The following SLC14A2 variants were observed in gnomAD, a reference collection of about 807,000 sequenced individuals.
SLC14A2 encodes solute carrier family 14 member 2, also known as urea transporter 2.
In SLC14A2, 91 loss-of-function variants were observed where a neutral mutation model predicts 104.6. That is an observed-to-expected ratio of 0.87 (90% confidence interval 0.73 to 1.04). The LOEUF (loss-of-function observed/expected upper bound fraction) is 1.04. Among genes scored for constraint, SLC14A2 ranks in the 50% least tolerant of loss-of-function variants. The probability of loss-of-function intolerance (pLI) is 0.00; values close to 1 mark genes in which losing one functional copy is unlikely to be tolerated. For synonymous variants in SLC14A2, 476 were observed against 466.4 expected, an observed-to-expected ratio of 1.02 and a Z score of -0.27; for missense variants, 1,189 against 1,156.0, an observed-to-expected ratio of 1.03 and a Z score of -0.41.
At chr18:45,418,453 C>G (rs1325089980) in intron 1 of SLC14A2, among the ~76,000 whole-genome samples, 2 of 152,048 alleles carry the variant, frequency 1.3e-5, no homozygotes, top group Non-Finnish European at 2.9e-5. Flanking sequence ...GGAGAGCATT[C>G]CAGGGAAAGA....
intron 19 of SLC14A2, among the ~76,000 whole-genome samples, chr18:45,681,724 T>C (rs183952138): frequency 6.6e-6 from 1 of 152,274 alleles, no homozygotes; most frequent in African/African-American, 2.4e-5. Flanking sequence ...TGGCCACCCA[T>C]CCCTGGTTTG....
intron 2 of SLC14A2, among the ~76,000 whole-genome samples, chr18:45,583,477 G>A (rs769830590): frequency 3.3e-5 from 5 of 152,150 alleles, no homozygotes; most frequent in Non-Finnish European, 5.9e-5. Flanking sequence ...GCTCCTGAAT[G>A]CCTAAAAGCA....
At position 45,426,509 on chromosome 18, in the gene SLC14A2, C is replaced by G. The variant is rs139284092; in HGVS notation, c.-124-56724C>G. Among the ~76,000 whole-genome samples the G allele has an allele frequency of 6.8e-3, 1,026 of 151,026 alleles. 10 individuals carry two copies. The highest frequency in any genetic ancestry group is 0.023 in the African/African-American group (960 of 41,046). ...CAGAGCACACCCTTGTATGTTTTAT[C>G]CCTGATAACACAAGCAGAGCCGAAT... On this transcript the variant is annotated intron_variant, in intron 1 of 20. Transcript: ENST00000586448.
intron 2 of SLC14A2, among the ~76,000 whole-genome samples, chr18:45,568,575 T>C (rs982846623): frequency 2.6e-5 from 4 of 152,234 alleles, no homozygotes; most frequent in African/African-American, 7.2e-5. Flanking sequence ...ACAGAATTAA[T>C]TGCTGAGGCA....
chr18:45,647,720 C>T (rs2045646912), intron 10 of SLC14A2: 1 of 152,066 alleles, frequency 6.6e-6, no homozygotes, highest in South Asian at 2.1e-4. Context: ...AATTTTTATT[C>T]CTCTTTGGTT....
intron 1 of SLC14A2, among the ~76,000 whole-genome samples, chr18:45,339,126 A>ATTTG: frequency 6.6e-6 from 1 of 151,848 alleles, no homozygotes. Context: ...TGTTGTTGTT[A>ATTTG]TTTGTTTGTT....
intron 1 of SLC14A2, among the ~76,000 whole-genome samples, chr18:45,358,070 T>A (rs1278129422): frequency 6.6e-6 from 1 of 152,190 alleles, no homozygotes; most frequent in Non-Finnish European, 1.5e-5. Flanking sequence ...AGAGGTTTGG[T>A]GGTCTACCCT....
intron 1 of SLC14A2, among the ~76,000 whole-genome samples, chr18:45,434,666 AGAGATTG>A (rs2086568301): frequency 2.6e-5 from 4 of 152,226 alleles, no homozygotes; most frequent in African/African-American, 9.6e-5. Flanking sequence ...TATTTTATTA[AGAGATTG>A]AAAAATAGTT....
chr18:45,641,449 A>G, intron 8 of SLC14A2, 106 bp downstream of exon 8: 1 of 1,322,852 alleles, frequency 7.6e-7, no homozygotes, highest in South Asian at 1.3e-5. Context: ...CAGCAGTGAC[A>G]GAAAGGCCAA....
upstream of SLC14A2, among the ~76,000 whole-genome samples, chr18:45,209,386 C>A (rs2143962801): frequency 6.6e-6 from 1 of 151,950 alleles, no homozygotes; most frequent in South Asian, 2.1e-4. Flanking sequence ...CAACTGTGGT[C>A]AAAATGTATA....
chr18:45,509,609 G>A (rs747880785), intron 2 of SLC14A2, among the ~76,000 whole-genome samples: 5 of 152,170 alleles, frequency 3.3e-5, no homozygotes, highest in African/African-American at 1.2e-4. Flanking sequence ...AAAATAAACT[G>A]GGCAGAATGG....
chr18:45,204,300 C>T, the SLC14A2 span, among the ~76,000 whole-genome samples: 1,194 of 152,276 alleles, frequency 7.8e-3, 25 homozygotes, highest in African/African-American at 0.027. Flanking sequence ...AAAGCTCAAA[C>T]ATCTACTCCA....
At chr18:45,298,856 T>C (rs575439191) in intron 1 of SLC14A2, among the ~76,000 whole-genome samples, 4 of 152,288 alleles carry the variant, frequency 2.6e-5, no homozygotes, top group East Asian at 3.9e-4. Flanking sequence ...TTTTTGAATA[T>C]GACAATGACA....
At chr18:45,337,901 C>G (rs1214841948) in intron 1 of SLC14A2, among the ~76,000 whole-genome samples, 1 of 152,170 alleles carries the variant, frequency 6.6e-6, no homozygotes, top group South Asian at 2.1e-4. Flanking sequence ...TGCAGCCAGG[C>G]TTTTCCCAGA....
chr18:45,505,726 AT>A (rs1281752264), intron 2 of SLC14A2, among the ~76,000 whole-genome samples: 1 of 152,092 alleles, frequency 6.6e-6, no homozygotes, highest in Non-Finnish European at 1.5e-5. Context: ...AGACGCTGAC[AT>A]TTTAATTGGA....
At chr18:45,574,473 C>T (rs1448687551) in intron 2 of SLC14A2, among the ~76,000 whole-genome samples, 1 of 152,116 alleles carries the variant, frequency 6.6e-6, no homozygotes, top group African/African-American at 2.4e-5. Flanking sequence ...CAGTACCACC[C>T]TACAAAAACC....
At chr18:45,272,446 C>A (rs1185139708) in intron 1 of SLC14A2, among the ~76,000 whole-genome samples, 1 of 151,998 alleles carries the variant, frequency 6.6e-6, no homozygotes, top group Non-Finnish European at 1.5e-5. Flanking sequence ...GTTGCAACAA[C>A]ATTTTACTAT....
chr18:45,479,335 GAATA>G (rs1461944128), intron 1 of SLC14A2, among the ~76,000 whole-genome samples: 6 of 152,258 alleles, frequency 3.9e-5, no homozygotes, highest in South Asian at 2.1e-4. Context: ...ATAATAAAAT[GAATA>G]AATAAAGGAA....
At chr18:45,489,151 C>G (rs2087671000) in intron 2 of SLC14A2, among the ~76,000 whole-genome samples, 1 of 152,178 alleles carries the variant, frequency 6.6e-6, no homozygotes, top group South Asian at 2.1e-4. Context: ...ATGCATATGT[C>G]AGCAAGAACA....
Sources: allele counts gnomAD v4.1 joint callset (sites outside exome capture counted in the v4.1 genomes callset), GRCh38; gene constraint gnomAD v4.1.1; transcripts MANE v1.5; gene names NCBI Gene and HGNC (gene_info 2026-07-23, HGNC 2026-07-21).